MSI2: variants seen among roughly 807,000 people sequenced by gnomAD.
MSI2 encodes RNA-binding protein Musashi homolog 2.
Under a neutral mutation model 45.6 loss-of-function variants are expected in MSI2, and 17 were observed. The observed-to-expected ratio is 0.37, with a 90% CI of 0.26 to 0.56. The LOEUF is 0.56. Ranked by LOEUF, MSI2 falls within the 20% of genes least tolerant of loss-of-function variation. The probability of loss-of-function intolerance (pLI) is 0.77; values close to 1 mark genes in which losing one functional copy is unlikely to be tolerated. For missense variants in MSI2, 293 were observed against 444.2 expected, an observed-to-expected ratio of 0.66 and a Z score of 3.06; for synonymous variants, 156 against 158.2, an observed-to-expected ratio of 0.99 and a Z score of 0.11.
At chr17:57,625,541 G>C (rs1908719000) in intron 9 of MSI2, 1 of 152,240 alleles carries the variant, frequency 6.6e-6, no homozygotes, top group Non-Finnish European at 1.5e-5. Context: ...CCACTGAGCA[G>C]GTGGGTGATA....
chr17:57,313,625 G>A (rs1206087969), intron 5 of MSI2, among the ~76,000 whole-genome samples: 2 of 152,236 alleles, frequency 1.3e-5, no homozygotes, highest in Non-Finnish European at 2.9e-5. Context: ...AACAAGAGTA[G>A]GGGAGGCTCA....
intron 5 of MSI2, among the ~76,000 whole-genome samples, chr17:57,387,164 C>A (rs181524217): frequency 1.2e-3 from 182 of 152,310 alleles, no homozygotes; most frequent in Middle Eastern, 0.01. Context: ...GGGAATATAT[C>A]TTTTCCTTTT....
At chr17:57,451,367 T>A (rs546663666) in intron 6 of MSI2, among the ~76,000 whole-genome samples, 1 of 152,294 alleles carries the variant, frequency 6.6e-6, no homozygotes, top group South Asian at 2.1e-4. Context: ...TAGAGATCCT[T>A]CGCTAAATAA....
intron 6 of MSI2, among the ~76,000 whole-genome samples, chr17:57,517,704 G>T (rs948372741): frequency 3.3e-5 from 5 of 152,120 alleles, no homozygotes; most frequent in African/African-American, 7.2e-5. Context: ...TCAAAGGCTG[G>T]TACCTTCAAA....
chr17:57,653,342 C>T (rs528806126), intron 11 of MSI2, among the ~76,000 whole-genome samples: 19 of 152,234 alleles, frequency 1.2e-4, no homozygotes, highest in African/African-American at 3.9e-4. Context: ...CAGGGGTTGC[C>T]GAGGGTCAGT....
chr17:57,266,156 C>G (rs1443434355), intron 5 of MSI2: 6 of 152,150 alleles, frequency 3.9e-5, no homozygotes, highest in Non-Finnish European at 8.8e-5. Context: ...TTTCTAGTTG[C>G]CTTCAGTCAC....
chr17:57,293,357 C>T (rs1910606343), intron 5 of MSI2, among the ~76,000 whole-genome samples: 1 of 152,098 alleles, frequency 6.6e-6, no homozygotes, highest in African/African-American at 2.4e-5. Context: ...CGGGGAGGCT[C>T]CTGGACCCAC....
chr17:57,582,112 T>A (rs1186180641), intron 7 of MSI2, among the ~76,000 whole-genome samples: 1 of 152,134 alleles, frequency 6.6e-6, no homozygotes, highest in Admixed American at 6.5e-5. Flanking sequence ...CTTCTTGGTG[T>A]GGGGAGGGGT....
At chr17:57,353,948 G>A (rs1265921340) in intron 5 of MSI2, among the ~76,000 whole-genome samples, 1 of 152,106 alleles carries the variant, frequency 6.6e-6, no homozygotes, top group Non-Finnish European at 1.5e-5. Context: ...TGAGGATTTT[G>A]TGTAGGTATT....
chr17:57,482,439 T>C (rs2085665689), intron 6 of MSI2, among the ~76,000 whole-genome samples: 1 of 152,252 alleles, frequency 6.6e-6, no homozygotes, highest in African/African-American at 2.4e-5. Context: ...TCTACCCGTG[T>C]ACAATTTGAT....
At chr17:57,351,929 G>C (rs1916062099) in intron 5 of MSI2, among the ~76,000 whole-genome samples, 1 of 152,166 alleles carries the variant, frequency 6.6e-6, no homozygotes, top group Non-Finnish European at 1.5e-5. Flanking sequence ...TATACTTGAT[G>C]GAATGAATGA....
At chr17:57,397,211 G>A (rs1402489659) in intron 5 of MSI2, among the ~76,000 whole-genome samples, 1 of 152,188 alleles carries the variant, frequency 6.6e-6, no homozygotes, top group Non-Finnish European at 1.5e-5. Context: ...TATCCTAGGA[G>A]GAAAACAGGT....
At chr17:57,572,527 A>G (rs535809672) in intron 7 of MSI2, among the ~76,000 whole-genome samples, 52 of 152,330 alleles carry the variant, frequency 3.4e-4, no homozygotes, top group Non-Finnish European at 2.9e-5. Context: ...AATTCAAGAT[A>G]TTCTGTGTCT....
chr17:57,622,317 TAATG>T (rs1323741216), intron 9 of MSI2, among the ~76,000 whole-genome samples: 1 of 152,274 alleles, frequency 6.6e-6, no homozygotes, highest in Non-Finnish European at 1.5e-5. Context: ...TCATTTTTCT[TAATG>T]AAGGTGAACT....
intron 6 of MSI2, among the ~76,000 whole-genome samples, chr17:57,467,572 A>G (rs1290460765): frequency 6.6e-6 from 1 of 152,142 alleles, no homozygotes; most frequent in African/African-American, 2.4e-5. Context: ...GGATGGATGG[A>G]CAGATGGATA....
At chr17:57,423,876 A>AT in intron 6 of MSI2, among the ~76,000 whole-genome samples, 1 of 152,322 alleles carries the variant, frequency 6.6e-6, no homozygotes, top group Non-Finnish European at 1.5e-5. Flanking sequence ...CTCTTGCGGT[A>AT]GTTACAATAT....
At chr17:57,385,020 T>C (rs575980563) in intron 5 of MSI2, among the ~76,000 whole-genome samples, 73 of 152,250 alleles carry the variant, frequency 4.8e-4, no homozygotes, top group Middle Eastern at 6.8e-3. Flanking sequence ...GATAATTTTG[T>C]CTCCTACTCT....
Position 57,681,563 on chromosome 17 carries a change from A to T in MSI2, c.*2046A>T, listed in dbSNP as rs1310099794. On this transcript the variant is annotated 3_prime_UTR_variant, in exon 14 of 14. Coordinates refer to ENST00000284073, the MANE Select transcript of MSI2 (RefSeq NM_138962.4). ...AAGCATCTTCAAACTAAAGACTCCA[A>T]AATGCTAACTCAGAAAGAAAGAAAA... 1 of 182,746 alleles carries T rather than the reference A, an allele frequency of 5.5e-6. No homozygotes were observed. The highest frequency in any genetic ancestry group is 1.2e-5 in the Non-Finnish European group (1 of 85,926). 11.3% of individuals were successfully genotyped at this position (182,746 alleles called of 1,614,324 possible).
chr17:57,287,322 C>G (rs887011563), intron 5 of MSI2, among the ~76,000 whole-genome samples: 13 of 152,090 alleles, frequency 8.5e-5, no homozygotes, highest in African/African-American at 2.9e-4. Context: ...GGAAGCCCTG[C>G]TGGGCCTGAG....
Sources: allele counts gnomAD v4.1 joint callset (sites outside exome capture counted in the v4.1 genomes callset), GRCh38; gene constraint gnomAD v4.1.1; transcripts MANE v1.5; gene names NCBI Gene and HGNC (gene_info 2026-07-23, HGNC 2026-07-21).